Variants in VIRMA observed in about 807,000 individuals in gnomAD.
The protein encoded by VIRMA is vir like m6A methyltransferase associated.
VIRMA carries 65 observed loss-of-function variants against 182.4 expected under a neutral mutation model. The ratio of observed to expected loss-of-function variants is 0.36; its 90% CI spans 0.29 to 0.44. The LOEUF (loss-of-function observed/expected upper bound fraction) is 0.44, where lower values mean the gene tolerates loss of function less well. VIRMA is among the 20% of genes least tolerant of loss of function. The probability of loss-of-function intolerance (pLI) is 1.00; values close to 1 mark genes in which losing one functional copy is unlikely to be tolerated. For synonymous variants in VIRMA, 709 were observed against 743.1 expected, an observed-to-expected ratio of 0.95 and a Z score of 0.75; for missense variants, 1,752 against 2,158.1, an observed-to-expected ratio of 0.81 and a Z score of 3.73.
Position 94,494,893 on chromosome 8 carries a change from A to G in VIRMA, c.4608T>C (p.Phe1536=), listed in dbSNP as rs1003663006. 1.1e-5 allele frequency: 18 copies of G among 1,608,478 alleles called. No individual in the cohort carries two copies. The highest frequency in any genetic ancestry group is 1.4e-5 in the Non-Finnish European group (17 of 1,175,202). ...DQLKSMWFTP[F]QAEEIDTDLD... ...GATCTGTATCTATCTCTTCAGCCTG[A>G]AATGGAGTGAACCACATAGATTTCA... Residue 1536 remains phenylalanine, a synonymous_variant, in exon 20 of 24, where the codon TTT becomes TTC. Coordinates refer to ENST00000297591, the MANE Select transcript of VIRMA (RefSeq NM_015496.5).
intron 8 of VIRMA, among the ~76,000 whole-genome samples, chr8:94,522,998 A>G (rs1814827805): frequency 6.6e-6 from 1 of 152,222 alleles, no homozygotes; most frequent in Admixed American, 6.5e-5. Context: ...ATGGTGGGAA[A>G]AAAACACTCA....
intron 8 of VIRMA, among the ~76,000 whole-genome samples, chr8:94,522,048 T>C (rs1465455269): frequency 2.0e-5 from 3 of 152,210 alleles, no homozygotes; most frequent in Non-Finnish European, 4.4e-5. Context: ...AATATGGTTA[T>C]GCTGAACACC....
chr8:94,510,919 A>G, intron 13 of VIRMA: 7 of 1,211,176 alleles, frequency 5.8e-6, no homozygotes, highest in Non-Finnish European at 7.7e-6. Context: ...GGTGTGGGGG[A>G]AAGGATTTAA....
At chr8:94,530,870 C>T in intron 6 of VIRMA, 93 bp downstream of exon 6, 1 of 1,410,070 alleles carries the variant, frequency 7.1e-7, no homozygotes, top group Non-Finnish European at 9.5e-7. Flanking sequence ...CACTGTACTC[C>T]ACCCTGGGCA....
chr8:94,494,290 TA>T (rs1050202952), intron 20 of VIRMA, among the ~76,000 whole-genome samples: 7 of 151,228 alleles, frequency 4.6e-5, no homozygotes, highest in African/African-American at 1.2e-4. Context: ...TTATCTATAT[TA>T]AAAAAAAATT....
chr8:94,509,238 T>C (rs1186417526), intron 15 of VIRMA, among the ~76,000 whole-genome samples: 1 of 151,942 alleles, frequency 6.6e-6, no homozygotes, highest in Non-Finnish European at 1.5e-5. Context: ...CTGTCTCTAC[T>C]AAAAATACAA....
At chr8:94,552,042 T>A (rs1339411270) in intron 1 of VIRMA, among the ~76,000 whole-genome samples, 4 of 152,248 alleles carry the variant, frequency 2.6e-5, no homozygotes, top group Non-Finnish European at 5.9e-5. Context: ...AACTGTTCTC[T>A]ATTTCTATAC....
At chr8:94,514,124 C>T (rs757111852) in intron 11 of VIRMA, among the ~76,000 whole-genome samples, 20 of 152,050 alleles carry the variant, frequency 1.3e-4, no homozygotes, top group Admixed American at 6.5e-4. Context: ...TGCATGCATG[C>T]GTGTGCGCAC....
intron 5 of VIRMA, chr8:94,534,237 A>C (rs1815262377): frequency 2.6e-5 from 4 of 152,276 alleles, no homozygotes; most frequent in African/African-American, 9.6e-5. Context: ...CTCTTGAAAA[A>C]AAAATGTCAT....
At chr8:94,513,766 T>C (rs1030898133) in intron 11 of VIRMA, among the ~76,000 whole-genome samples, 40 of 152,190 alleles carry the variant, frequency 2.6e-4, no homozygotes, top group Admixed American at 1.1e-3. Flanking sequence ...CCAGAATACA[T>C]GACCATCTAA....
chr8:94,505,139 A>T (rs1215509062), intron 16 of VIRMA, among the ~76,000 whole-genome samples: 1 of 152,200 alleles, frequency 6.6e-6, no homozygotes, highest in Non-Finnish European at 1.5e-5. Flanking sequence ...GCAGAGCATG[A>T]GGAATGGATG....
At chr8:94,494,819 AAAC>A (rs752974984) in intron 20 of VIRMA, 38 bp downstream of exon 20, 1 of 1,183,130 alleles carries the variant, frequency 8.5e-7, no homozygotes, top group South Asian at 1.3e-5. Flanking sequence ...GAAACAGAAA[AAAC>A]AATAACGTTT....
chr8:94,536,751 G>A (rs946040338), intron 4 of VIRMA, among the ~76,000 whole-genome samples: 1 of 152,128 alleles, frequency 6.6e-6, no homozygotes, highest in African/African-American at 2.4e-5. Flanking sequence ...AGGCCGAGGC[G>A]GTTGGATCAC....
rs1376958131 is a variant in VIRMA at position 94,532,367 on chromosome 8, A to G, written c.485-1282T>C. ...AGTGATCTGCCCGCCTCGGCCTCCC[A>G]AAGTGCTGGGATTACAGGCGTGAGC... On this transcript the variant is annotated intron_variant, in intron 5 of 23. Transcript: ENST00000297591. 3.3e-5 allele frequency among the ~76,000 whole-genome samples: 5 copies of G among 152,226 alleles called. 1 individual carries two copies. The highest frequency in any genetic ancestry group is 2.0e-4 in the Admixed American group (3 of 15,282).
intron 2 of VIRMA, among the ~76,000 whole-genome samples, chr8:94,540,887 C>T (rs746943929): frequency 6.6e-5 from 10 of 152,064 alleles, no homozygotes; most frequent in Non-Finnish European, 8.8e-5. Flanking sequence ...CACTGAAAAA[C>T]GATTTAAAGA....
chr8:94,551,573 A>T (rs937458098), intron 1 of VIRMA, among the ~76,000 whole-genome samples: 3 of 152,234 alleles, frequency 2.0e-5, no homozygotes, highest in Middle Eastern at 3.2e-3. Context: ...AGAAGAAAGC[A>T]TTTACCATCT....
chr8:94,494,679 A>G (rs1196336577), intron 20 of VIRMA, among the ~76,000 whole-genome samples, 181 bp downstream of exon 20: 1 of 151,786 alleles, frequency 6.6e-6, no homozygotes, highest in Non-Finnish European at 1.5e-5. Context: ...GAAGCAAAAA[A>G]AGCAGGAGAA....
Position 94,511,590 on chromosome 8 carries a change from A to G in VIRMA, c.2985T>C (p.Thr995=), listed in dbSNP as rs1324382187. Residue 995 remains threonine (T), a synonymous_variant, in exon 13 of 24, where the codon ACT becomes ACC. Coordinates refer to ENST00000297591, the MANE Select transcript of VIRMA (RefSeq NM_015496.5). ...AAATAGTAGTAACTCTGTGAAGGGT[A>G]GTCCCCATGTTGACATGGAGCCTCC... ...QPWRLHVNMG[T]TLHRVTTISM... 2 of 1,614,064 alleles carry G rather than the reference A, an allele frequency of 1.2e-6. No individual in the cohort carries two copies. The highest frequency in any genetic ancestry group is 1.3e-5 in the African/African-American group (1 of 74,938).
chr8:94,494,902 G>A lies in VIRMA; in HGVS notation c.4599C>T (p.Phe1533=), dbSNP rs1813719356. The A allele has an allele frequency of 3.7e-6, 6 of 1,611,218 alleles. No individual in the cohort carries two copies. The highest frequency in any genetic ancestry group is 5.1e-6 in the Non-Finnish European group (6 of 1,177,656). Residue 1533 remains phenylalanine, a synonymous_variant, in exon 20 of 24, where the codon TTC becomes TTT. Transcript: ENST00000297591. ...CTATCTCTTCAGCCTGAAATGGAGTGAACCACATAGATTTCAACTGATCAT... is the reference window on the plus strand; with the variant it reads ...CTATCTCTTCAGCCTGAAATGGAGTAAACCACATAGATTTCAACTGATCAT... ...VMDDQLKSMW[F]TPFQAEEIDT...
Sources: gnomAD v4.1 joint callset for allele counts (sites outside exome capture counted in the v4.1 genomes callset) on GRCh38, gnomAD v4.1.1 for gene constraint, MANE v1.5 for transcripts, NCBI Gene and HGNC (gene_info 2026-07-23, HGNC 2026-07-21) for gene names.